The following GPHN variants were observed in gnomAD, a reference collection of about 807,000 sequenced individuals.
The protein encoded by GPHN is gephyrin.
In GPHN, 17 loss-of-function variants were observed where a neutral mutation model predicts 95.5. That is an observed-to-expected ratio of 0.18 (90% CI 0.12 to 0.27). The LOEUF is 0.27. Among genes scored for constraint, GPHN ranks in the 10% least tolerant of loss-of-function variants. GPHN has a pLI of 1.00. For missense variants in GPHN, 660 were observed against 978.1 expected, an observed-to-expected ratio of 0.67 and a Z score of 4.34; for synonymous variants, 320 against 322.5, an observed-to-expected ratio of 0.99 and a Z score of 0.08.
chr14:67,050,393 C>A (rs1039909153), intron 10 of GPHN, among the ~76,000 whole-genome samples: 12 of 152,124 alleles, frequency 7.9e-5, no homozygotes, highest in Non-Finnish European at 5.9e-5. Flanking sequence ...TCATTAAATA[C>A]CCCAAGTATT....
chr14:67,500,092 C>A, the GPHN span, among the ~76,000 whole-genome samples: 1 of 152,048 alleles, frequency 6.6e-6, no homozygotes, highest in Admixed American at 6.6e-5. Context: ...CAGCTACTCA[C>A]GTGGGAGGAT....
intron 16 of GPHN, among the ~76,000 whole-genome samples, chr14:67,121,710 G>T (rs1256148049): frequency 6.6e-6 from 1 of 152,140 alleles, no homozygotes; most frequent in African/African-American, 2.4e-5. Flanking sequence ...ATGTAGCTAA[G>T]TATTACTTAA....
At chr14:66,848,803 A>G (rs2062449847) in intron 4 of GPHN, among the ~76,000 whole-genome samples, 1 of 152,030 alleles carries the variant, frequency 6.6e-6, no homozygotes, top group African/African-American at 2.4e-5. Flanking sequence ...TGGGGAAAAT[A>G]TAGCAAAGCA....
chr14:66,592,440 C>T (rs879198603), intron 1 of GPHN, among the ~76,000 whole-genome samples: 1 of 144,012 alleles, frequency 6.9e-6, no homozygotes, highest in Non-Finnish European at 1.5e-5. Context: ...CTAGAAGAAA[C>T]TTAAACAAAT....
intron 9 of GPHN, among the ~76,000 whole-genome samples, chr14:67,006,221 A>T (rs2072597445): frequency 6.6e-6 from 1 of 152,114 alleles, no homozygotes; most frequent in Non-Finnish European, 1.5e-5. Context: ...TGAAACCCTG[A>T]ATGGAATTCA....
the GPHN span, among the ~76,000 whole-genome samples, chr14:67,718,367 G>C: frequency 6.6e-6 from 1 of 152,182 alleles, no homozygotes; most frequent in Admixed American, 6.5e-5. Context: ...TTTGTAAGAG[G>C]CTCCATTCTT....
chr14:67,378,381 A>G, the GPHN span, among the ~76,000 whole-genome samples: 1 of 150,402 alleles, frequency 6.6e-6, no homozygotes, highest in African/African-American at 2.5e-5. Flanking sequence ...AATAATGATA[A>G]CTAACATTTA....
At chr14:67,713,863 G>T in the GPHN span, among the ~76,000 whole-genome samples, 2 of 152,094 alleles carry the variant, frequency 1.3e-5, no homozygotes, top group African/African-American at 4.8e-5. Flanking sequence ...GCAGGGAGGG[G>T]GCTTCCAAGT....
chr14:66,587,432 A>C (rs2061466989), intron 1 of GPHN, among the ~76,000 whole-genome samples: 1 of 152,180 alleles, frequency 6.6e-6, no homozygotes, highest in African/African-American at 2.4e-5. Context: ...TATAAGAAAA[A>C]ATTACCAGCC....
intron 3 of GPHN, chr14:66,823,327 G>C (rs1042217550): frequency 6.6e-6 from 1 of 152,168 alleles, no homozygotes; most frequent in Non-Finnish European, 1.5e-5. Flanking sequence ...AGAAAGAATA[G>C]AGAGCTATTT....
At chr14:66,728,315 A>G (rs754965128) in intron 2 of GPHN, among the ~76,000 whole-genome samples, 39 of 152,186 alleles carry the variant, frequency 2.6e-4, no homozygotes, top group Non-Finnish European at 4.9e-4. Flanking sequence ...GCCCCCACAC[A>G]GAGTCCCTAC....
the GPHN span, among the ~76,000 whole-genome samples, chr14:67,357,585 CAA>C: frequency 6.6e-6 from 1 of 152,052 alleles, no homozygotes; most frequent in Non-Finnish European, 1.5e-5. Context: ...AAAGTAAAAA[CAA>C]AAAAGTTATT....
At chr14:66,722,940 A>G (rs1443803979) in intron 2 of GPHN, among the ~76,000 whole-genome samples, 1 of 152,144 alleles carries the variant, frequency 6.6e-6, no homozygotes, top group Non-Finnish European at 1.5e-5. Context: ...TTCTTACTTT[A>G]GGACAAAGTG....
At chr14:67,145,864 A>G (rs2080867985) in intron 18 of GPHN, among the ~76,000 whole-genome samples, 1 of 152,210 alleles carries the variant, frequency 6.6e-6, no homozygotes, top group Non-Finnish European at 1.5e-5. Context: ...AATTCCATTT[A>G]AATTATACTC....
intron 1 of GPHN, among the ~76,000 whole-genome samples, chr14:66,557,074 A>G (rs1444064940): frequency 2.0e-5 from 3 of 151,834 alleles, no homozygotes; most frequent in Admixed American, 6.6e-5. Context: ...GGGCGTGGTG[A>G]CGTGTGCATG....
At chr14:67,677,345 T>G in the GPHN span, 1 of 131,200 alleles carries the variant, frequency 7.6e-6, no homozygotes, top group Non-Finnish European at 1.6e-5. Context: ...TTGTTTTTTT[T>G]GTTTGTTTGT....
At chr14:66,804,914 A>G (rs1009238326) in intron 3 of GPHN, among the ~76,000 whole-genome samples, 1 of 152,222 alleles carries the variant, frequency 6.6e-6, no homozygotes, top group African/African-American at 2.4e-5. Context: ...GATTAAATAA[A>G]AAAGATACTT....
the GPHN span, chr14:67,571,481 C>T: frequency 8.7e-5 from 33 of 380,396 alleles, no homozygotes; most frequent in East Asian, 6.3e-4. Flanking sequence ...TGGCAAGGAG[C>T]GAGGGTCACA....
chr14:67,475,445 A>G, the GPHN span, among the ~76,000 whole-genome samples: 3 of 152,142 alleles, frequency 2.0e-5, no homozygotes, highest in African/African-American at 7.2e-5. Context: ...TTCTATGGTT[A>G]ACTTTCTGAG....
Sources: allele counts gnomAD v4.1 joint callset (sites outside exome capture counted in the v4.1 genomes callset), GRCh38; gene constraint gnomAD v4.1.1; transcripts MANE v1.5; gene names NCBI Gene and HGNC (gene_info 2026-07-23, HGNC 2026-07-21).